The following NCAN variants were observed in gnomAD, a reference collection of about 807,000 sequenced individuals.
NCAN encodes neurocan core protein.
A neutral mutation model predicts 121.8 loss-of-function variants in NCAN; 47 were observed. That is an observed-to-expected ratio of 0.39 (90% CI 0.31 to 0.49). The LOEUF is 0.49. Ranked by LOEUF, NCAN falls within the 20% of genes least tolerant of loss-of-function variation. The pLI is 0.92. For synonymous variants in NCAN, 633 were observed against 702.0 expected, an observed-to-expected ratio of 0.90 and a Z score of 1.55; for missense variants, 1,517 against 1,773.4, an observed-to-expected ratio of 0.86 and a Z score of 2.60.
intron 10 of NCAN, among the ~76,000 whole-genome samples, chr19:19,236,779 AGTACAGTG>A (rs2060882816): frequency 6.6e-6 from 1 of 151,616 alleles, no homozygotes; most frequent in Non-Finnish European, 1.5e-5. Context: ...CAGGCTGGAA[AGTACAGTG>A]GTACAATCAT....
chr19:19,230,510 T>A (rs1175150658), intron 8 of NCAN, among the ~76,000 whole-genome samples: 2 of 149,858 alleles, frequency 1.3e-5, no homozygotes, highest in Admixed American at 6.7e-5. Flanking sequence ...GCTCAGGTGA[T>A]CCTTCTGCCT....
intron 13 of NCAN, among the ~76,000 whole-genome samples, chr19:19,248,204 G>A (rs2060932279): frequency 6.6e-6 from 1 of 152,004 alleles, no homozygotes. Context: ...CAGCACTTTG[G>A]GAGGACAAGG....
chr19:19,250,350 G>A lies in NCAN; in HGVS notation c.*439G>A, dbSNP rs962720238. 1.9e-5 allele frequency: 7 copies of A among 362,950 alleles called. No homozygotes were observed. Among genetic ancestry groups the A allele is most frequent in the South Asian group, 6.4e-5 (3 of 47,066 alleles). 22.5% of individuals were successfully genotyped at this position (362,950 alleles called of 1,614,324 possible). On this transcript the variant is annotated 3_prime_UTR_variant, in exon 15 of 15. Coordinates refer to ENST00000252575, the MANE Select transcript of NCAN (RefSeq NM_004386.3). ...CCTAAATCCAGGAAGAAGCCTGGACGTAGGGTCATTAGCTTTGGGAATAGA... is the reference window on the plus strand; with the variant it reads ...CCTAAATCCAGGAAGAAGCCTGGACATAGGGTCATTAGCTTTGGGAATAGA...
chr19:19,228,010 C>G lies in NCAN; in HGVS notation c.2390C>G (p.Ala797Gly). ...GGGCTGGATGCAAGTTCCCCATCTGCCCCCCTGGGGAGCCCTGGAGTCTTC... is the reference window on the plus strand; with the variant it reads ...GGGCTGGATGCAAGTTCCCCATCTGGCCCCCTGGGGAGCCCTGGAGTCTTC... ...SKGLDASSPS[A>G]PLGSPGVFLV... The change falls in exon 8 of 15, where the codon GCC (alanine) becomes GGC (glycine). Residue 797 changes from alanine to glycine, a missense_variant. Physicochemically the swap from Ala to Gly is moderately conservative, Grantham distance 60. Coordinates refer to ENST00000252575, the MANE Select transcript of NCAN (RefSeq NM_004386.3). 1 of 1,613,410 alleles carries G rather than the reference C, an allele frequency of 6.2e-7. No homozygotes were observed. The highest frequency in any genetic ancestry group is 1.1e-5 in the South Asian group (1 of 91,078).
chr19:19,248,670 C>T (rs2060934833), intron 13 of NCAN, 30 bp from the exon 14 acceptor site: 2 of 1,600,292 alleles, frequency 1.2e-6, no homozygotes, highest in East Asian at 2.2e-5. Flanking sequence ...GATGTGAGCA[C>T]CTCTCTCACT....
chr19:19,216,816 G>T, intron 1 of NCAN, 131 bp from the exon 2 acceptor site: 1 of 494,472 alleles, frequency 2.0e-6, no homozygotes, highest in East Asian at 3.4e-5. Flanking sequence ...CTGTGACCTA[G>T]AATAACACAC....
chr19:19,217,602 C>T (rs148553080), intron 2 of NCAN, among the ~76,000 whole-genome samples: 117 of 152,264 alleles, frequency 7.7e-4, no homozygotes, highest in Non-Finnish European at 7.4e-4. Context: ...CTTTACCTTT[C>T]GGAAAAACTG....
chr19:19,238,395 A>G lies in NCAN; in HGVS notation c.3393A>G (p.Glu1131=). 1.2e-6 allele frequency: 2 copies of G among 1,614,158 alleles called. No homozygotes were observed. Among genetic ancestry groups the G allele is most frequent in the Non-Finnish European group, 1.7e-6 (2 of 1,180,034 alleles). ...TGACCAGCGTCCACTCACCGGAGGA[A>G]CACAGCTTCATTAATAGTAGGGGCT... ...GHLTSVHSPE[E]HSFINSFGHE... Residue 1131 remains glutamate, a synonymous_variant, in exon 11 of 15, where the codon GAA becomes GAG. Coordinates refer to ENST00000252575, the MANE Select transcript of NCAN (RefSeq NM_004386.3).
intron 8 of NCAN, among the ~76,000 whole-genome samples, chr19:19,232,309 G>A (rs993380529): frequency 6.6e-6 from 1 of 152,246 alleles, no homozygotes; most frequent in Non-Finnish European, 1.5e-5. Context: ...TGCTAATGAA[G>A]CCAAAAATAA....
Position 19,219,171 on chromosome 19 carries a change from A to C in NCAN, c.330A>C (p.Arg110=). Residue 110 remains arginine, a synonymous_variant, in exon 3 of 15, where the codon CGA becomes CGC. Coordinates refer to ENST00000252575, the MANE Select transcript of NCAN (RefSeq NM_004386.3). ...VVRVAKSWQG[R]VSLPSYPRRR... Reference sequence around the variant, plus strand: ...GGGTGGCCAAAAGCTGGCAGGGACGAGTGTCACTGCCTTCCTACCCCCGGC... The same window carrying C: ...GGGTGGCCAAAAGCTGGCAGGGACGCGTGTCACTGCCTTCCTACCCCCGGC... The C allele has an allele frequency of 2.5e-6, 4 of 1,613,412 alleles. No homozygotes were observed. The highest frequency in any genetic ancestry group is 3.4e-6 in the Non-Finnish European group (4 of 1,180,006).
At chr19:19,228,779 A>G (rs759189634) in intron 8 of NCAN, 140 bp downstream of exon 8, 212 of 958,054 alleles carry the variant, frequency 2.2e-4, no homozygotes, top group Non-Finnish European at 2.9e-4. Flanking sequence ...CGCTGGAGGT[A>G]GGAGCTTATC....
intron 13 of NCAN, among the ~76,000 whole-genome samples, chr19:19,246,637 G>A (rs143791947): frequency 1.8e-4 from 27 of 152,058 alleles, no homozygotes; most frequent in African/African-American, 5.3e-4. Context: ...AGGTTCAAGC[G>A]ATTCTCCTGC....
chr19:19,216,315 A>ATT (rs879701337), intron 1 of NCAN, among the ~76,000 whole-genome samples: 2 of 137,716 alleles, frequency 1.5e-5, no homozygotes, highest in African/African-American at 2.7e-5. Context: ...AGCCCAGATA[A>ATT]TTTTTTTTTT....
At chr19:19,214,761 T>TGA (rs1491038696) in intron 1 of NCAN, among the ~76,000 whole-genome samples, 29 of 145,326 alleles carry the variant, frequency 2.0e-4, no homozygotes, top group Middle Eastern at 3.7e-3. Flanking sequence ...TGTGTGTGTG[T>TGA]GTGAGAGAGA....
chr19:19,247,063 TC>T (rs940480167), intron 13 of NCAN, among the ~76,000 whole-genome samples: 19 of 151,948 alleles, frequency 1.3e-4, no homozygotes, highest in African/African-American at 3.9e-4. Context: ...TTTCACATCC[TC>T]CCCCCCATTT....
At chr19:19,233,753 C>A in intron 8 of NCAN, 36 bp from the exon 9 acceptor site, 2 of 1,366,686 alleles carry the variant, frequency 1.5e-6, no homozygotes, top group Non-Finnish European at 2.1e-6. Flanking sequence ...AGATCTGTGG[C>A]CTGACTCTTC....
intron 10 of NCAN, among the ~76,000 whole-genome samples, chr19:19,237,975 G>A (rs536743231): frequency 1.3e-3 from 201 of 152,312 alleles, no homozygotes; most frequent in Non-Finnish European, 1.9e-3. Flanking sequence ...TATGGGAGGC[G>A]GAGGTAGCAG....
chr19:19,219,039 G>A lies in NCAN; in HGVS notation c.198G>A (p.Arg66=), dbSNP rs1243111400. The A allele has an allele frequency of 3.7e-6, 6 of 1,611,402 alleles. No individual in the cohort carries two copies. Among genetic ancestry groups the A allele is most frequent in the Admixed American group, 1.7e-5 (1 of 59,810 alleles). ...ALPCLFTLQP[R]PSAARDAPRI... ...CCTGTCTCTTTACCCTGCAGCCACG[G>A]CCAAGCGCAGCCCGAGATGCCCCTC... Residue 66 remains arginine (R), a synonymous_variant, in exon 3 of 15, where the codon CGG becomes CGA. Coordinates refer to ENST00000252575, the MANE Select transcript of NCAN (RefSeq NM_004386.3).
intron 3 of NCAN, 121 bp downstream of exon 3, chr19:19,219,437 G>A (rs2146537419): frequency 3.6e-6 from 4 of 1,111,178 alleles, no homozygotes; most frequent in Non-Finnish European, 4.9e-6. Context: ...TCTCATGCCT[G>A]TAATCCCAGC....
Sources: allele counts gnomAD v4.1 joint callset (sites outside exome capture counted in the v4.1 genomes callset), GRCh38; gene constraint gnomAD v4.1.1; transcripts MANE v1.5; gene names NCBI Gene and HGNC (gene_info 2026-07-23, HGNC 2026-07-21).